The following KAT2B variants were observed in gnomAD, a reference collection of about 807,000 sequenced individuals.
The protein encoded by KAT2B is histone acetyltransferase KAT2B.
Under a neutral mutation model 105.9 loss-of-function variants are expected in KAT2B, and 36 were observed. The observed-to-expected ratio is 0.34, with a 90% CI of 0.26 to 0.45. The LOEUF (loss-of-function observed/expected upper bound fraction) is 0.45, where lower values mean the gene tolerates loss of function less well. Ranked by LOEUF, KAT2B falls within the 20% of genes least tolerant of loss-of-function variation. The pLI is 1.00. For synonymous variants in KAT2B, 397 were observed against 377.9 expected (o/e 1.05, Z -0.59); for missense variants, 820 against 1,021.6 (o/e 0.80, Z 2.69).
intron 1 of KAT2B, among the ~76,000 whole-genome samples, chr3:20,053,745 T>C (rs1185680829): frequency 6.6e-6 from 1 of 152,234 alleles, no homozygotes; most frequent in East Asian, 1.9e-4. Flanking sequence ...AAGTCTACAA[T>C]AGACTTTCTT....
intron 3 of KAT2B, among the ~76,000 whole-genome samples, chr3:20,098,911 A>G (rs1462506949): frequency 4.6e-5 from 7 of 152,174 alleles, no homozygotes; most frequent in Non-Finnish European, 7.4e-5. Context: ...TTGGTGGTTC[A>G]TCAGGTTCCA....
At chr3:20,124,086 T>C (rs1195149279) in intron 9 of KAT2B, among the ~76,000 whole-genome samples, 1 of 152,188 alleles carries the variant, frequency 6.6e-6, no homozygotes, top group Non-Finnish European at 1.5e-5. Flanking sequence ...GAAAAATCTC[T>C]TCCTAAAATT....
chr3:20,040,874 C>CT (rs1697704517), intron 1 of KAT2B, 94 bp downstream of exon 1: 1 of 1,367,836 alleles, frequency 7.3e-7, no homozygotes, highest in Admixed American at 3.1e-5. Context: ...CGCCTCCCGC[C>CT]TCCTGCCTCT....
At chr3:20,063,836 C>T (rs140157977) in intron 1 of KAT2B, among the ~76,000 whole-genome samples, 180 of 152,136 alleles carry the variant, frequency 1.2e-3, no homozygotes, top group African/African-American at 3.7e-3. Context: ...CCACCACGCC[C>T]GGCCGAGATT....
chr3:20,056,514 G>A (rs1158666457), intron 1 of KAT2B, among the ~76,000 whole-genome samples: 2 of 152,124 alleles, frequency 1.3e-5, no homozygotes, highest in African/African-American at 4.8e-5. Context: ...TATAGAATCT[G>A]GGACATTCTG....
chr3:20,075,093 G>C lies in KAT2B; in HGVS notation c.430+2634G>C, dbSNP rs551127317. On this transcript the variant is annotated intron_variant, in intron 2 of 17. Coordinates refer to ENST00000263754, the MANE Select transcript of KAT2B (RefSeq NM_003884.5). ...AGCCTGGCCAACATGGTGAAACCCC[G>C]TCTCTACTAAAAATACAAAAATTAG... Among the ~76,000 whole-genome samples, 369 of 151,966 alleles carry C rather than the reference G, an allele frequency of 2.4e-3. 1 individual carries two copies. Among genetic ancestry groups the C allele is most frequent in the Non-Finnish European group, 4.4e-3 (301 of 67,964 alleles).
intron 13 of KAT2B, among the ~76,000 whole-genome samples, chr3:20,143,591 A>G (rs1699730429): frequency 6.6e-6 from 1 of 152,236 alleles, no homozygotes; most frequent in Non-Finnish European, 1.5e-5. Flanking sequence ...TTTTATGTTC[A>G]TTGCAGCGCT....
intron 1 of KAT2B, among the ~76,000 whole-genome samples, chr3:20,051,894 T>A (rs546629610): frequency 8.5e-4 from 130 of 152,400 alleles, no homozygotes; most frequent in African/African-American, 3.0e-3. Flanking sequence ...TGGGGTGTTA[T>A]ATCTATTGCC....
rs774743242 is a variant in KAT2B, at chr3:20,122,796, G to C, written c.1405G>C (p.Gly469Arg). Residue 469 changes from glycine (G) to arginine (R), a missense_variant, in exon 9 of 18, where the codon GGA becomes CGA. Physicochemically the swap from Gly to Arg is moderately radical, Grantham distance 125 (BLOSUM62 -2). Transcript: ENST00000263754. Reference protein sequence around the residue: ...STITDPAAMLGPETNFLSAHS... With the variant: ...STITDPAAMLRPETNFLSAHS... ...CATCACGGACCCTGCAGCAATGCTT[G>C]GACCAGAGGTCAGCAGGGTAAACCT... 1.2e-6 allele frequency: 2 copies of C among 1,611,736 alleles called. No homozygotes were observed. The highest frequency in any genetic ancestry group is 3.3e-5 in the Admixed American group (2 of 59,860).
At chr3:20,135,939 G>C (rs1265120045) in intron 11 of KAT2B, among the ~76,000 whole-genome samples, 5 of 152,194 alleles carry the variant, frequency 3.3e-5, no homozygotes, top group Non-Finnish European at 5.9e-5. Flanking sequence ...GCCTGAAAAT[G>C]AATTGGTCTA....
In KAT2B at chr3:20,112,519, C is replaced by A. The variant is rs150358826; in HGVS notation, c.1043+732C>A. Among the ~76,000 whole-genome samples, 271 of 152,270 alleles carry A rather than the reference C, an allele frequency of 1.8e-3. 3 individuals are homozygous for A. Among genetic ancestry groups the A allele is most frequent in the African/African-American group, 6.3e-3 (263 of 41,570 alleles). On this transcript the variant is annotated intron_variant, in intron 6 of 17. Transcript: ENST00000263754. ...CTAAAAACCAAAAATTTAAGCTAAG[C>A]GGTTGGATGCTGGTGGGATAGGCCA...
chr3:20,093,960 T>G (rs2125194604), intron 2 of KAT2B, among the ~76,000 whole-genome samples: 1 of 152,266 alleles, frequency 6.6e-6, no homozygotes, highest in East Asian at 1.9e-4. Context: ...AGTGAATCAT[T>G]TAGTCAACAA....
intron 1 of KAT2B, among the ~76,000 whole-genome samples, chr3:20,062,110 AT>A (rs1698127041): frequency 9.9e-6 from 1 of 101,450 alleles, no homozygotes; most frequent in African/African-American, 4.2e-5. Flanking sequence ...TATAATATAT[AT>A]TATATAAAAC....
chr3:20,045,218 A>G (rs2125162501), intron 1 of KAT2B, among the ~76,000 whole-genome samples: 1 of 152,002 alleles, frequency 6.6e-6, no homozygotes, highest in East Asian at 1.9e-4. Context: ...GGGTTTCGCC[A>G]TGTTTGCCAG....
intron 1 of KAT2B, among the ~76,000 whole-genome samples, chr3:20,047,825 A>G (rs1239426475): frequency 1.3e-5 from 2 of 152,050 alleles, no homozygotes; most frequent in African/African-American, 2.4e-5. Flanking sequence ...CATGTTGGCC[A>G]GGCTGGTCTC....
chr3:20,061,973 T>TATATATAAAACATA (rs2125172530), intron 1 of KAT2B, among the ~76,000 whole-genome samples: 7 of 91,024 alleles, frequency 7.7e-5, no homozygotes, highest in Admixed American at 1.6e-4. Context: ...TAATATATAT[T>TATATATAAAACATA]ATATATAAAA....
intron 5 of KAT2B, among the ~76,000 whole-genome samples, chr3:20,108,998 A>G (rs1048046789): frequency 6.6e-6 from 1 of 152,108 alleles, no homozygotes; most frequent in African/African-American, 2.4e-5. Context: ...AAAGTTGGGG[A>G]CCTCTGCCAT....
chr3:20,121,889 C>T (rs1006320612), intron 8 of KAT2B, among the ~76,000 whole-genome samples: 26 of 151,604 alleles, frequency 1.7e-4, no homozygotes, highest in African/African-American at 3.9e-4. Flanking sequence ...AGGAAACATA[C>T]GAAATGAATG....
intron 7 of KAT2B, 105 bp from the exon 8 acceptor site, chr3:20,119,493 T>G: frequency 8.8e-7 from 1 of 1,136,662 alleles, no homozygotes; most frequent in South Asian, 1.4e-5. Flanking sequence ...ATGACTTATT[T>G]TGTGGCATTG....
Sources: allele counts gnomAD v4.1 joint callset (sites outside exome capture counted in the v4.1 genomes callset), GRCh38; gene constraint gnomAD v4.1.1; transcripts MANE v1.5; gene names NCBI Gene and HGNC (gene_info 2026-07-23, HGNC 2026-07-21).